The following TIAM1 variants were observed in gnomAD, a reference collection of about 807,000 sequenced individuals.
TIAM1 encodes the protein rho guanine nucleotide exchange factor TIAM1.
TIAM1 carries 65 observed loss-of-function variants against 163.5 expected under a neutral mutation model. The ratio of observed to expected loss-of-function variants is 0.40; its 90% CI spans 0.33 to 0.49. The LOEUF (loss-of-function observed/expected upper bound fraction) is 0.49, where lower values mean the gene tolerates loss of function less well. Among genes scored for constraint, TIAM1 ranks in the 20% least tolerant of loss-of-function variants. TIAM1 has a pLI of 0.77. For missense variants in TIAM1, 1,789 were observed against 2,044.7 expected (o/e 0.87, Z 2.41); for synonymous variants, 833 against 810.1 (o/e 1.03, Z -0.48).
chr21:31,311,972 C>T (rs2074947749), intron 2 of TIAM1, among the ~76,000 whole-genome samples: 1 of 152,234 alleles, frequency 6.6e-6, no homozygotes, highest in Admixed American at 6.5e-5. Flanking sequence ...ATCTTTCTCC[C>T]ATGCTGGATG....
chr21:31,543,543 C>G (rs1358509662), intron 1 of TIAM1, among the ~76,000 whole-genome samples: 2 of 151,994 alleles, frequency 1.3e-5, no homozygotes, highest in Non-Finnish European at 2.9e-5. Flanking sequence ...AGGGAAGGGA[C>G]GACTTCAAGT....
chr21:31,202,843 G>A (rs1336301635), intron 12 of TIAM1, 65 bp downstream of exon 12: 13 of 1,446,494 alleles, frequency 9.0e-6, no homozygotes, highest in East Asian at 6.9e-5. Flanking sequence ...CAATTAACAC[G>A]AGAACACTCA....
chr21:31,318,204 T>C (rs1005630703), intron 2 of TIAM1, among the ~76,000 whole-genome samples: 2 of 152,210 alleles, frequency 1.3e-5, no homozygotes, highest in East Asian at 3.9e-4. Flanking sequence ...CTCAAGTGAT[T>C]CTCCCACCCA....
chr21:31,495,288 TG>T (rs924170260), intron 1 of TIAM1, among the ~76,000 whole-genome samples: 3 of 152,174 alleles, frequency 2.0e-5, no homozygotes, highest in Non-Finnish European at 4.4e-5. Flanking sequence ...TTCCGGAGGC[TG>T]GGAAGTCCAA....
intron 2 of TIAM1, among the ~76,000 whole-genome samples, chr21:31,300,026 C>T (rs2074441043): frequency 6.6e-6 from 1 of 152,142 alleles, no homozygotes; most frequent in Non-Finnish European, 1.5e-5. Flanking sequence ...ATGTCATTCC[C>T]AGTGTTGGAG....
At chr21:31,185,259 G>A (rs560729667) in intron 14 of TIAM1, among the ~76,000 whole-genome samples, 211 of 151,744 alleles carry the variant, frequency 1.4e-3, no homozygotes, top group African/African-American at 4.6e-3. Context: ...ATAGTGGGTC[G>A]AATAGAGTCC....
rs1022570551 is a variant in TIAM1 at position 31,423,636 on chromosome 21, T to C, written c.-369+40347A>G. On this transcript the variant is annotated intron_variant, in intron 2 of 28. Transcript: ENST00000286827. ...GCTGTACCTCTAGGCCCTAGCCCTA[T>C]AACGAACTCATGGTGATAAATGAAT... 1.6e-3 allele frequency among the ~76,000 whole-genome samples: 195 copies of C among 125,474 alleles called. 7 individuals carry two copies. Among genetic ancestry groups the C allele is most frequent in the Admixed American group, 1.3e-3 (13 of 9,656 alleles). The allele number at this position is 125,474 out of a possible 152,430, so 82.3% of individuals were successfully genotyped here. A position where few individuals can be genotyped will look rare whatever the true frequency, so the allele number is the denominator to read the frequency against.
chr21:31,374,095 C>G (rs1240190600), intron 2 of TIAM1, among the ~76,000 whole-genome samples: 7 of 152,040 alleles, frequency 4.6e-5, no homozygotes. Context: ...GGGGAAGCCT[C>G]TCATTTAAAT....
chr21:31,302,549 T>G (rs1307332379), intron 2 of TIAM1, among the ~76,000 whole-genome samples: 1 of 152,224 alleles, frequency 6.6e-6, no homozygotes, highest in Non-Finnish European at 1.5e-5. Context: ...AAGAATGAGC[T>G]GGGCAAGAAG....
chr21:31,363,038 C>T (rs1346578146), intron 2 of TIAM1, among the ~76,000 whole-genome samples: 3 of 152,082 alleles, frequency 2.0e-5, no homozygotes, highest in African/African-American at 4.8e-5. Context: ...GCACAGGATC[C>T]AGCTGGGATC....
chr21:31,420,968 A>G (rs2043547032), intron 2 of TIAM1, among the ~76,000 whole-genome samples: 1 of 152,012 alleles, frequency 6.6e-6, no homozygotes, highest in Admixed American at 6.6e-5. Flanking sequence ...CTAAAAATAC[A>G]AAAATTAGCC....
Position 31,373,749 on chromosome 21 carries a change from C to G in TIAM1, c.-368-34327G>C, listed in dbSNP as rs916151376. Among the ~76,000 whole-genome samples, 4 of 152,216 alleles carry G rather than the reference C, an allele frequency of 2.6e-5. No homozygotes were observed. The South Asian group carries it at 8.3e-4, about 32-fold the overall frequency. Reference sequence around the variant, plus strand: ...GAGAGATGCTGAGTTAAAGAGAAAGCTGATGAGCAGAAGAAACTAGAGAAA... The same window carrying G: ...GAGAGATGCTGAGTTAAAGAGAAAGGTGATGAGCAGAAGAAACTAGAGAAA... On this transcript the variant is annotated intron_variant, in intron 2 of 28. Transcript: ENST00000286827.
chr21:31,512,785 GTGTTTTTTTGTTTGTT>G (rs1016363568), intron 1 of TIAM1, among the ~76,000 whole-genome samples: 1 of 146,752 alleles, frequency 6.8e-6, no homozygotes, highest in African/African-American at 2.4e-5. Flanking sequence ...GCCTAGTTAG[GTGTTTTTTTGTTTGTT>G]TGTTTGTTTG....
chr21:31,353,636 G>A (rs1458659190), intron 2 of TIAM1, among the ~76,000 whole-genome samples: 1 of 151,930 alleles, frequency 6.6e-6, no homozygotes, highest in Non-Finnish European at 1.5e-5. Flanking sequence ...AAAGAAAACT[G>A]AGGCACGGAG....
At chr21:31,542,900 G>A (rs1408863946) in intron 1 of TIAM1, among the ~76,000 whole-genome samples, 32 of 152,022 alleles carry the variant, frequency 2.1e-4, no homozygotes, top group Admixed American at 2.1e-3. Flanking sequence ...CTCGGGAGGC[G>A]GAGGTTGCAG....
At chr21:31,430,225 A>AAAATATATATAT (rs1555978198) in intron 2 of TIAM1, among the ~76,000 whole-genome samples, 2 of 90,280 alleles carry the variant, frequency 2.2e-5, no homozygotes, top group African/African-American at 1.2e-4. Flanking sequence ...AAAAAAAAAA[A>AAAATATATATAT]ATATATATAT....
At position 31,238,496 on chromosome 21, in the gene TIAM1, A is replaced by T. The variant is rs559476280; in HGVS notation, c.1584+6992T>A. ...ATTGGGTATTTACATTCTACTAGCA[A>T]TTTTATGGCCATGAAGTTCCTTTCA... is the stretch of plus-strand genomic sequence containing the variant. On this transcript the variant is annotated intron_variant, in intron 6 of 27. Coordinates refer to ENST00000541036, the MANE Select transcript of TIAM1 (RefSeq NM_001353694.2). Among the ~76,000 whole-genome samples, 5 of 152,316 alleles carry T rather than the reference A, an allele frequency of 3.3e-5. No homozygotes were observed. The East Asian group carries it at 9.6e-4, about 29-fold the overall frequency.
intron 23 of TIAM1, 108 bp from the exon 24 acceptor site, chr21:31,131,056 G>A: frequency 5.7e-6 from 5 of 873,898 alleles, no homozygotes; most frequent in Non-Finnish European, 7.3e-6. Flanking sequence ...AGGACGTTGA[G>A]ATCCCAGTTA....
chr21:31,344,100 C>T (rs2076097791), intron 1 of TIAM1, 38 bp downstream of exon 1: 1 of 152,308 alleles, frequency 6.6e-6, no homozygotes, highest in South Asian at 2.1e-4. Context: ...CAAAGAGATT[C>T]GCCGGTGGAA....
Sources: gnomAD v4.1 joint callset for allele counts (sites outside exome capture counted in the v4.1 genomes callset) on GRCh38, gnomAD v4.1.1 for gene constraint, MANE v1.5 for transcripts, NCBI Gene and HGNC (gene_info 2026-07-23, HGNC 2026-07-21) for gene names.